Variants in ADAMTS2 observed in about 807,000 individuals in gnomAD.
ADAMTS2 encodes A disintegrin and metalloproteinase with thrombospondin motifs 2.
In ADAMTS2, 50 loss-of-function variants were observed where a neutral mutation model predicts 123.0. That is an observed-to-expected ratio of 0.41 (90% CI 0.32 to 0.51). ADAMTS2 has a LOEUF of 0.51. Among genes scored for constraint, ADAMTS2 ranks in the 20% least tolerant of loss-of-function variants. The pLI, the probability that ADAMTS2 is intolerant of heterozygous loss-of-function variation, is 0.35. For missense variants in ADAMTS2, 1,494 were observed against 1,705.2 expected (o/e 0.88, Z 2.18); for synonymous variants, 678 against 695.4 (o/e 0.98, Z 0.39).
intron 3 of ADAMTS2, among the ~76,000 whole-genome samples, chr5:179,244,226 T>G (rs1357829909): frequency 6.6e-6 from 1 of 151,990 alleles, no homozygotes; most frequent in Non-Finnish European, 1.5e-5. Flanking sequence ...GACATCATAG[T>G]AAAAATGCCG....
Position 179,154,082 on chromosome 5 carries a change from C to T in ADAMTS2, c.1349G>A (p.Arg450His), listed in dbSNP as rs752634323. 6.9e-5 allele frequency: 111 copies of T among 1,604,304 alleles called. No individual in the cohort carries two copies. The highest frequency in any genetic ancestry group is 8.7e-5 in the Non-Finnish European group (102 of 1,178,262). ...GCGGCTCAGCTCCTGCTGGCTGCAG[C>T]GGGACCAGTGGAAGCGGTGGAAGGC... Reference protein sequence around the residue: ...QAAFHRFHWSRCSQQELSRYL... With the variant: ...QAAFHRFHWSHCSQQELSRYL... Residue 450 changes from arginine to histidine, a missense_variant, in exon 8 of 22, where the codon CGC becomes CAC. By Grantham distance (29) the Arg-to-His change is conservative. Coordinates refer to ENST00000251582, the MANE Select transcript of ADAMTS2 (RefSeq NM_014244.5).
rs181219699 is a variant in ADAMTS2, at chr5:179,329,267, C to G, written c.534+14500G>C. 8.2e-3 allele frequency among the ~76,000 whole-genome samples: 1,218 copies of G among 148,764 alleles called. 25 individuals carry two copies. Among genetic ancestry groups the G allele is most frequent in the African/African-American group, 0.028 (1,132 of 40,318 alleles). ...GCGTGAACCCAGGAGGCAGAGCTTG[C>G]AGTGAGCCGAGATAGTGCCACTGCG... On this transcript the variant is annotated intron_variant, in intron 2 of 21. Transcript: ENST00000251582.
intron 2 of ADAMTS2, among the ~76,000 whole-genome samples, chr5:179,328,430 C>A (rs1054580622): frequency 7.9e-5 from 12 of 152,228 alleles, no homozygotes; most frequent in Non-Finnish European, 1.5e-4. Flanking sequence ...TGGGAAGATG[C>A]AGGTCATTGG....
At chr5:179,201,973 C>T (rs564068617) in intron 4 of ADAMTS2, among the ~76,000 whole-genome samples, 57 of 152,190 alleles carry the variant, frequency 3.7e-4, no homozygotes, top group Non-Finnish European at 6.3e-4. Flanking sequence ...CCTTTCTGTG[C>T]CCAGGTGGCC....
intron 19 of ADAMTS2, among the ~76,000 whole-genome samples, chr5:179,124,597 C>G (rs1399227470): frequency 6.6e-6 from 1 of 152,240 alleles, no homozygotes; most frequent in Non-Finnish European, 1.5e-5. Context: ...TTTCTTAGTA[C>G]AGCACTGACC....
At chr5:179,210,015 C>T (rs888733783) in intron 3 of ADAMTS2, among the ~76,000 whole-genome samples, 6 of 152,220 alleles carry the variant, frequency 3.9e-5, no homozygotes, top group African/African-American at 1.4e-4. Flanking sequence ...TCACGTGGTG[C>T]CATCTGGTTG....
At chr5:179,299,104 T>C (rs1247759668) in intron 2 of ADAMTS2, among the ~76,000 whole-genome samples, 1 of 151,814 alleles carries the variant, frequency 6.6e-6, no homozygotes, top group African/African-American at 2.4e-5. Flanking sequence ...AGAGCAACCA[T>C]AAACCTAAAG....
chr5:179,207,852 A>T, intron 3 of ADAMTS2, 137 bp from the exon 4 acceptor site: 1 of 801,770 alleles, frequency 1.2e-6, no homozygotes, highest in Non-Finnish European at 2.1e-6. Flanking sequence ...TTTACAGAGG[A>T]AAGCGAGGTG....
intron 2 of ADAMTS2, among the ~76,000 whole-genome samples, chr5:179,277,262 C>T (rs1346246328): frequency 6.6e-6 from 1 of 151,970 alleles, no homozygotes; most frequent in Non-Finnish European, 1.5e-5. Context: ...CCGTGCGATG[C>T]GCACAACGCA....
chr5:179,205,463 A>C (rs1764658176), intron 4 of ADAMTS2, among the ~76,000 whole-genome samples: 1 of 152,254 alleles, frequency 6.6e-6, no homozygotes, highest in South Asian at 2.1e-4. Context: ...CAGATGAGAA[A>C]ACTAAGGCTC....
intron 4 of ADAMTS2, 42 bp downstream of exon 4, chr5:179,207,471 A>ACCCCAGCC: frequency 9.7e-7 from 1 of 1,026,474 alleles, no homozygotes; most frequent in Non-Finnish European, 1.5e-6. Context: ...CCCCTGGTTG[A>ACCCCAGCC]CCCTCCCCGC....
chr5:179,338,081 G>A (rs1289838435), intron 2 of ADAMTS2, among the ~76,000 whole-genome samples: 3 of 152,202 alleles, frequency 2.0e-5, no homozygotes, highest in African/African-American at 4.8e-5. Flanking sequence ...GCACATGGCC[G>A]CGCACATTTA....
intron 3 of ADAMTS2, among the ~76,000 whole-genome samples, chr5:179,240,793 C>T (rs1183526878): frequency 3.3e-5 from 5 of 152,300 alleles, no homozygotes; most frequent in East Asian, 1.9e-4. Flanking sequence ...GACCCTGATA[C>T]GCGATGCCAA....
intron 4 of ADAMTS2, among the ~76,000 whole-genome samples, chr5:179,194,011 C>A (rs1284876777): frequency 6.6e-6 from 1 of 152,232 alleles, no homozygotes; most frequent in African/African-American, 2.4e-5. Context: ...ACAAGACAAG[C>A]TCCGAGGCTG....
At chr5:179,125,261 G>C (rs1274651669) in intron 18 of ADAMTS2, 81 bp from the exon 19 acceptor site, 22 of 1,343,554 alleles carry the variant, frequency 1.6e-5, no homozygotes, top group Non-Finnish European at 2.1e-5. Context: ...GCCGCTCCCT[G>C]CAGCCCAGGT....
chr5:179,280,874 T>G (rs1032141870), intron 2 of ADAMTS2, among the ~76,000 whole-genome samples: 2 of 152,184 alleles, frequency 1.3e-5, no homozygotes, highest in Admixed American at 1.3e-4. Flanking sequence ...TCTTCTTTTT[T>G]TGAGACAGAG....
At position 179,281,904 on chromosome 5, in the gene ADAMTS2, A is replaced by T. The variant is rs56204017; in HGVS notation, c.535-8840T>A. On this transcript the variant is annotated intron_variant, in intron 2 of 21. Coordinates refer to ENST00000251582, the MANE Select transcript of ADAMTS2 (RefSeq NM_014244.5). ...GCTTGCATTTCCCTGACAACTAATG[A>T]TGCTAAGCATCTTTTCATGAGCTTA... Among the ~76,000 whole-genome samples the T allele has an allele frequency of 6.0e-3, 917 of 152,320 alleles. 12 individuals are homozygous for T. The highest frequency in any genetic ancestry group is 0.021 in the African/African-American group (882 of 41,568).
At chr5:179,295,841 C>A (rs996484310) in intron 2 of ADAMTS2, among the ~76,000 whole-genome samples, 2 of 152,238 alleles carry the variant, frequency 1.3e-5, no homozygotes, top group African/African-American at 4.8e-5. Context: ...TCCTCAAAAG[C>A]CCTTCCATAT....
At position 179,260,470 on chromosome 5, in the gene ADAMTS2, T is replaced by C. The variant is rs1766187662; in HGVS notation, c.688+12441A>G. ...AGTTTCTGCAGCCGTTAAGTGGAGT[T>C]CCAGGCCTTGGTGCTTGGAAGGCCC... On this transcript the variant is annotated intron_variant, in intron 3 of 21. Transcript: ENST00000251582. This position sits in a 1 kb window ranked among gnomAD's most constrained non-coding sequence, Gnocchi z 4.2. Among the ~76,000 whole-genome samples, 1 of 152,126 alleles carries C rather than the reference T, an allele frequency of 6.6e-6. No individual in the cohort carries two copies. The highest frequency in any genetic ancestry group is 1.5e-5 in the Non-Finnish European group (1 of 68,022).
Sources: allele counts gnomAD v4.1 joint callset (sites outside exome capture counted in the v4.1 genomes callset), GRCh38; gene constraint gnomAD v4.1.1; non-coding constraint Gnocchi (gnomAD v3.1); transcripts MANE v1.5; gene names NCBI Gene and HGNC (gene_info 2026-07-23, HGNC 2026-07-21).